Variants in PSEN1 observed in about 807,000 individuals in gnomAD.
The protein encoded by PSEN1 is presenilin 1.
Under a neutral mutation model 53.5 loss-of-function variants are expected in PSEN1, and 15 were observed. The ratio of observed to expected loss-of-function variants is 0.28; its 90% CI spans 0.19 to 0.43. The LOEUF is 0.43. PSEN1 is among the 20% of genes least tolerant of loss of function. PSEN1 has a pLI of 1.00. For missense variants in PSEN1, 387 were observed against 571.2 expected (o/e 0.68, Z 3.29); for synonymous variants, 208 against 209.8 (o/e 0.99, Z 0.08).
At position 73,186,526 on chromosome 14, in the gene PSEN1, C is replaced by G. The variant is rs1213430961; in HGVS notation, c.481-327C>G. Among the ~76,000 whole-genome samples, 5 of 152,068 alleles carry G rather than the reference C, an allele frequency of 3.3e-5. No individual in the cohort carries two copies. The South Asian group carries it at 6.2e-4, about 19-fold the overall frequency. ...GCATAGTGGTGCACATCTGTAATCT[C>G]AGCACTTTGGGAGTCTGAGGCGGGC... On this transcript the variant is annotated intron_variant, in intron 5 of 11. Coordinates refer to ENST00000324501, the MANE Select transcript of PSEN1 (RefSeq NM_000021.4).
intron 10 of PSEN1, among the ~76,000 whole-genome samples, chr14:73,212,350 C>G (rs1317466084): frequency 6.6e-6 from 1 of 151,980 alleles, no homozygotes; most frequent in African/African-American, 2.4e-5. Flanking sequence ...ACATCATGAT[C>G]TGCCTGCCTT....
At chr14:73,143,210 G>A (rs1264867893) in intron 1 of PSEN1, among the ~76,000 whole-genome samples, 1 of 152,182 alleles carries the variant, frequency 6.6e-6, no homozygotes, top group Non-Finnish European at 1.5e-5. Context: ...AGTAGCGCTT[G>A]TTTGTTCACC....
chr14:73,149,829 A>G (rs958973210), intron 3 of PSEN1, among the ~76,000 whole-genome samples: 7 of 152,234 alleles, frequency 4.6e-5, no homozygotes, highest in African/African-American at 1.7e-4. Flanking sequence ...CTATATTGTT[A>G]TAGTTCAAAT....
intron 5 of PSEN1, among the ~76,000 whole-genome samples, chr14:73,178,695 A>G (rs1485754967): frequency 6.6e-6 from 1 of 152,172 alleles, no homozygotes; most frequent in Non-Finnish European, 1.5e-5. Context: ...TAAAATTCCT[A>G]TATAGCCCGT....
rs1354199203 is a variant in PSEN1, at chr14:73,220,658, C to G, written c.*1369C>G. 6.6e-6 allele frequency: 1 copy of G among 152,212 alleles called. No homozygotes were observed. The allele number at this position is 152,212 out of a possible 1,614,324, so 9.4% of individuals were successfully genotyped here. On this transcript the variant is annotated 3_prime_UTR_variant, in exon 12 of 12. Transcript: ENST00000324501. Reference sequence around the variant, plus strand: ...AGCTAATGATGTCAAGGAGGAGTTTCAGGTTATTCTCGTCAGCTCCACAAA... The same window carrying G: ...AGCTAATGATGTCAAGGAGGAGTTTGAGGTTATTCTCGTCAGCTCCACAAA...
chr14:73,177,713 C>G (rs1482571363), intron 5 of PSEN1, among the ~76,000 whole-genome samples: 1 of 152,188 alleles, frequency 6.6e-6, no homozygotes, highest in African/African-American at 2.4e-5. Context: ...TTTCAGCCTC[C>G]ATGGTTTCTC....
At chr14:73,162,515 T>TGA (rs914594151) in intron 3 of PSEN1, among the ~76,000 whole-genome samples, 2 of 147,166 alleles carry the variant, frequency 1.4e-5, no homozygotes, top group African/African-American at 5.0e-5. Flanking sequence ...AGCGATTGAG[T>TGA]GAGAGAGAGA....
intron 1 of PSEN1, among the ~76,000 whole-genome samples, chr14:73,140,566 C>CT (rs1566613646): frequency 6.6e-6 from 1 of 151,952 alleles, no homozygotes; most frequent in African/African-American, 2.4e-5. Context: ...TCTTTATTTT[C>CT]TTTTTTTAAT....
intron 9 of PSEN1, chr14:73,208,915 G>A (rs1034546145): frequency 1.3e-5 from 6 of 454,330 alleles, no homozygotes; most frequent in East Asian, 7.0e-5. Context: ...GCAGGCCCAC[G>A]GTAAGCTGCC....
chr14:73,217,963 T>A (rs1899985226), intron 11 of PSEN1, among the ~76,000 whole-genome samples: 1 of 151,804 alleles, frequency 6.6e-6, no homozygotes, highest in Non-Finnish European at 1.5e-5. Context: ...AATTTTTGTA[T>A]TTTTAGTAGA....
At chr14:73,176,097 G>A (rs1487723101) in intron 5 of PSEN1, among the ~76,000 whole-genome samples, 1 of 152,196 alleles carries the variant, frequency 6.6e-6, no homozygotes, top group African/African-American at 2.4e-5. Context: ...GAACATTTGA[G>A]TGAGTGGAAG....
chr14:73,195,260 C>T (rs1898893042), intron 7 of PSEN1, among the ~76,000 whole-genome samples: 1 of 151,858 alleles, frequency 6.6e-6, no homozygotes, highest in African/African-American at 2.4e-5. Flanking sequence ...ACAACCTCTC[C>T]CTCCCGGGAT....
chr14:73,215,539 C>T (rs1374693809), intron 10 of PSEN1, among the ~76,000 whole-genome samples: 1 of 144,170 alleles, frequency 6.9e-6, no homozygotes, highest in Non-Finnish European at 1.5e-5. Flanking sequence ...GCCGAGATCA[C>T]TTAAAAAAAA....
intron 7 of PSEN1, among the ~76,000 whole-genome samples, chr14:73,195,365 GT>G (rs1357717334): frequency 2.0e-5 from 3 of 152,002 alleles, no homozygotes; most frequent in African/African-American, 7.2e-5. Flanking sequence ...TAGAGACGAG[GT>G]TTTGCCATGT....
At chr14:73,163,505 A>G (rs1420843915) in intron 3 of PSEN1, among the ~76,000 whole-genome samples, 1 of 152,260 alleles carries the variant, frequency 6.6e-6, no homozygotes, top group Non-Finnish European at 1.5e-5. Context: ...GACACTAGAG[A>G]TCCAGCAAAG....
At chr14:73,213,559 A>G (rs1396737196) in intron 10 of PSEN1, among the ~76,000 whole-genome samples, 1 of 152,232 alleles carries the variant, frequency 6.6e-6, no homozygotes, top group Non-Finnish European at 1.5e-5. Flanking sequence ...TGGTGTGAGC[A>G]TGTTAAACCA....
chr14:73,187,006 A>T, intron 6 of PSEN1, 86 bp downstream of exon 6: 1 of 1,092,616 alleles, frequency 9.2e-7, no homozygotes, highest in Non-Finnish European at 1.4e-6. Context: ...TACTTTGTTG[A>T]TGAATTACTC....
chr14:73,152,336 C>T (rs573362065), intron 3 of PSEN1, among the ~76,000 whole-genome samples: 1 of 151,508 alleles, frequency 6.6e-6, no homozygotes, highest in African/African-American at 2.4e-5. Flanking sequence ...AAAGGCCAGG[C>T]ATGGTGGCTC....
At chr14:73,163,268 C>T (rs953679855) in intron 3 of PSEN1, among the ~76,000 whole-genome samples, 3 of 152,130 alleles carry the variant, frequency 2.0e-5, no homozygotes, top group African/African-American at 7.2e-5. Flanking sequence ...TCTCTGAAAC[C>T]CAAAACTGCA....
Sources: allele counts gnomAD v4.1 joint callset (sites outside exome capture counted in the v4.1 genomes callset), GRCh38; gene constraint gnomAD v4.1.1; transcripts MANE v1.5; gene names NCBI Gene and HGNC (gene_info 2026-07-23, HGNC 2026-07-21).